The following SLC9D1 variants were observed in gnomAD, a reference collection of about 807,000 sequenced individuals.
SLC9D1 encodes the protein putative LAG1-interacting protein.
At chr13:113,534,130 A>G in the SLC9D1 span, 6 of 1,603,614 alleles carry the variant, frequency 3.7e-6, no homozygotes, top group Non-Finnish European at 5.1e-6. Flanking sequence ...ATGTCTTGTT[A>G]TAAAGAAGTA....
chr13:113,518,735 A>G, the SLC9D1 span, among the ~76,000 whole-genome samples: 1 of 152,168 alleles, frequency 6.6e-6, no homozygotes, highest in East Asian at 1.9e-4. Flanking sequence ...CTCCGCATGG[A>G]CAATATTAGT....
At chr13:113,531,496 TG>T in the SLC9D1 span, among the ~76,000 whole-genome samples, 1 of 148,494 alleles carries the variant, frequency 6.7e-6, no homozygotes, top group African/African-American at 2.5e-5. Context: ...AGCATGCGTG[TG>T]GACCTGCAGG....
At chr13:113,495,975 A>G in the SLC9D1 span, 3 of 1,613,392 alleles carry the variant, frequency 1.9e-6, no homozygotes, top group South Asian at 1.1e-5. Context: ...CGTGAACATG[A>G]AGGAGAGCAG....
chr13:113,509,332 T>G, the SLC9D1 span, among the ~76,000 whole-genome samples: 4 of 119,908 alleles, frequency 3.3e-5, no homozygotes, highest in Non-Finnish European at 5.0e-5. Context: ...GCTTGGTGGG[T>G]GGGTCCCCCC....
At chr13:113,501,957 TGA>T in the SLC9D1 span, 1 of 1,197,928 alleles carries the variant, frequency 8.3e-7, no homozygotes, top group Non-Finnish European at 1.2e-6. Flanking sequence ...TAAAAAGTAT[TGA>T]ATGTGATTAA....
the SLC9D1 span, among the ~76,000 whole-genome samples, chr13:113,506,342 T>A: frequency 8.8e-5 from 8 of 90,400 alleles, no homozygotes; most frequent in Admixed American, 8.3e-4. Flanking sequence ...GGTAAGGGGG[T>A]GTCAGCCAGT....
the SLC9D1 span, chr13:113,498,525 AGC>A: frequency 1.3e-6 from 2 of 1,579,118 alleles, no homozygotes; most frequent in Non-Finnish European, 1.7e-6. Flanking sequence ...TAAATCAGTA[AGC>A]GTTCCAGAAC....
the SLC9D1 span, chr13:113,536,613 A>G: frequency 3.1e-6 from 3 of 983,218 alleles, no homozygotes; most frequent in Non-Finnish European, 3.6e-6. Context: ...CATTACAGTG[A>G]CTCTGCCCGG....
the SLC9D1 span, chr13:113,528,198 A>C: frequency 2.0e-5 from 3 of 150,502 alleles, no homozygotes; most frequent in Non-Finnish European, 4.4e-5. Context: ...GATTCTTAAT[A>C]TGATGAGCGA....
chr13:113,546,774 C>G, the SLC9D1 span, among the ~76,000 whole-genome samples: 1 of 150,810 alleles, frequency 6.6e-6, no homozygotes, highest in Non-Finnish European at 1.5e-5. The surrounding 1 kb of genome is among the most constrained non-coding windows in gnomAD (Gnocchi z 7.1). Flanking sequence ...CTCGGCAGCA[C>G]AGCAGGACTG....
At chr13:113,491,592 CT>C in the SLC9D1 span, among the ~76,000 whole-genome samples, 10,058 of 152,248 alleles carry the variant, frequency 0.066, 374 homozygotes, top group Non-Finnish European at 0.077. Flanking sequence ...CAGGTATTGT[CT>C]CCCGGGGTCG....
the SLC9D1 span, among the ~76,000 whole-genome samples, chr13:113,499,759 G>A: frequency 6.6e-6 from 1 of 152,292 alleles, no homozygotes; most frequent in African/African-American, 2.4e-5. Flanking sequence ...TGAAAGAATG[G>A]TGAAGTAGAT....
the SLC9D1 span, chr13:113,503,433 A>G: frequency 7.9e-7 from 1 of 1,266,828 alleles, no homozygotes. Flanking sequence ...ATGATTGTTG[A>G]GTTAAGTATA....
the SLC9D1 span, chr13:113,498,474 C>T: frequency 1.3e-5 from 21 of 1,592,442 alleles, no homozygotes; most frequent in East Asian, 2.3e-5. Flanking sequence ...GGCAGCGGAT[C>T]GTCTGGAGGA....
At chr13:113,499,655 G>A in the SLC9D1 span, among the ~76,000 whole-genome samples, 2 of 152,158 alleles carry the variant, frequency 1.3e-5, no homozygotes, top group Admixed American at 6.5e-5. Flanking sequence ...AGAAAGCAGA[G>A]AGAATAAAAA....
chr13:113,540,994 C>A, the SLC9D1 span, among the ~76,000 whole-genome samples: 1 of 152,122 alleles, frequency 6.6e-6, no homozygotes, highest in African/African-American at 2.4e-5. Flanking sequence ...TGCTTGTTAT[C>A]GTAGGCTTTG....
the SLC9D1 span, among the ~76,000 whole-genome samples, chr13:113,547,808 G>A: frequency 6.6e-6 from 1 of 152,196 alleles, no homozygotes; most frequent in African/African-American, 2.4e-5. Flanking sequence ...AGCAACCAGT[G>A]GCTTTCTGGC....
chr13:113,498,369 G>A, the SLC9D1 span: 9 of 1,557,462 alleles, frequency 5.8e-6, no homozygotes, highest in East Asian at 2.1e-4. Context: ...GGAACTTCTG[G>A]CAGCAGAAAA....
the SLC9D1 span, among the ~76,000 whole-genome samples, chr13:113,540,854 A>G: frequency 1.3e-3 from 191 of 152,260 alleles, 1 homozygote; most frequent in Non-Finnish European, 6.2e-4. Context: ...TCGGCTTTAC[A>G]TTTAAGTTTT....
Sources: gnomAD v4.1 joint callset for allele counts (sites outside exome capture counted in the v4.1 genomes callset) on GRCh38, gnomAD v4.1.1 for gene constraint, Gnocchi (gnomAD v3.1) non-coding constraint, MANE v1.5 for transcripts, NCBI Gene and HGNC (gene_info 2026-07-23, HGNC 2026-07-21) for gene names.